The following AHCTF1 variants were observed in gnomAD, a reference collection of about 807,000 sequenced individuals.
The protein encoded by AHCTF1 is AT-hook containing transcription factor 1.
In AHCTF1, 24 loss-of-function variants were observed where a neutral mutation model predicts 248.4. The ratio of observed to expected loss-of-function variants is 0.10; its 90% confidence interval spans 0.07 to 0.14. The LOEUF is 0.14. AHCTF1 is among the 10% of genes least tolerant of loss of function. AHCTF1 has a pLI of 1.00. For missense variants in AHCTF1, 2,206 were observed against 2,636.2 expected (o/e 0.84, Z 3.57); for synonymous variants, 786 against 929.8 (o/e 0.85, Z 2.81).
rs747803449 is a variant in AHCTF1 at position 246,840,967 on chromosome 1, G to A, written c.6640C>T (p.Pro2214Ser). The A allele has an allele frequency of 1.8e-5, 29 of 1,610,750 alleles. No homozygotes were observed. The highest frequency in any genetic ancestry group is 2.4e-5 in the Non-Finnish European group (28 of 1,179,068). Residue 2214 changes from proline to serine, a missense_variant, in exon 36 of 36, where the codon CCT becomes TCT. Pro to Ser is a moderately conservative substitution (Grantham distance 74). Around this residue, in one of 6 missense-constraint regions of AHCTF1, gnomAD observed 469 missense variants for 470.0 expected, o/e 1.00. Coordinates refer to ENST00000648844, the MANE Select transcript of AHCTF1 (RefSeq NM_001323342.2). ...GAAATCAGCCGAATTTCTATGGGAG[G>A]AGGTGACCAAGCACTTTCTTTTTCT... ...NTEKESAWSP[P>S]PIEIRLISPL... is the part of the protein sequence containing the mutation.
chr1:246,868,557 T>A (rs1572390065), intron 24 of AHCTF1, among the ~76,000 whole-genome samples: 1 of 151,424 alleles, frequency 6.6e-6, no homozygotes, highest in Non-Finnish European at 1.5e-5. Flanking sequence ...CTGGCCTACA[T>A]TTTGTTTCAT....
chr1:246,908,226 G>A (rs1558268647), intron 4 of AHCTF1, among the ~76,000 whole-genome samples: 1 of 151,152 alleles, frequency 6.6e-6, no homozygotes, highest in Non-Finnish European at 1.5e-5. Flanking sequence ...AACATGAAGG[G>A]GCTCTCATTA....
chr1:246,854,751 A>C (rs1236417957), intron 31 of AHCTF1, among the ~76,000 whole-genome samples: 1 of 151,160 alleles, frequency 6.6e-6, no homozygotes, highest in Admixed American at 6.6e-5. Flanking sequence ...TTTTACCAAC[A>C]AAAAAAAATA....
intron 31 of AHCTF1, among the ~76,000 whole-genome samples, chr1:246,854,772 C>A (rs1660989413): frequency 6.6e-6 from 1 of 152,022 alleles, no homozygotes; most frequent in Non-Finnish European, 1.5e-5. Context: ...GAGACACAGC[C>A]CTTAAGTGCA....
At chr1:246,863,370 G>C (rs1465349099) in intron 27 of AHCTF1, among the ~76,000 whole-genome samples, 1 of 148,048 alleles carries the variant, frequency 6.8e-6, no homozygotes, top group Non-Finnish European at 1.5e-5. Flanking sequence ...GAGATAGTAT[G>C]TTTAAAAAAA....
At position 246,843,840 on chromosome 1, in the gene AHCTF1, G is replaced by C; in HGVS notation, c.6480C>G (p.Ser2160Arg). ...QFVISPPALR[S>R]RQKNTSNKNK... ...TCTTATTGGATGTGTTTTTTTGTCTGCTCCTTAAAGCAGGAGGTGAGATGA... is the reference window on the plus strand; with the variant it reads ...TCTTATTGGATGTGTTTTTTTGTCTCCTCCTTAAAGCAGGAGGTGAGATGA... Residue 2160 changes from serine to arginine, a missense_variant, in exon 34 of 36, where the codon AGC (serine) becomes AGG (arginine). Ser to Arg is a moderately radical substitution (Grantham distance 110, BLOSUM62 -1). This residue lies in a region of AHCTF1 where 469 missense variants were observed against 470.0 expected (regional missense o/e 1.00). Transcript: ENST00000648844. 6.6e-7 allele frequency: 1 copy of C among 1,504,038 alleles called. No homozygotes were observed. Among genetic ancestry groups the C allele is most frequent in the Non-Finnish European group, 8.9e-7 (1 of 1,126,084 alleles). 93.2% of individuals were successfully genotyped at this position (1,504,038 alleles called of 1,614,324 possible). A position where few individuals can be genotyped will look rare whatever the true frequency, so the allele number is the denominator to read the frequency against.
intron 31 of AHCTF1, among the ~76,000 whole-genome samples, chr1:246,855,281 G>A (rs1262258732): frequency 6.6e-6 from 1 of 151,818 alleles, no homozygotes; most frequent in Admixed American, 6.6e-5. Flanking sequence ...GTATAGCCAG[G>A]GCCTAACTGA....
At chr1:246,924,456 ATAAT>A (rs942326853) in intron 1 of AHCTF1, among the ~76,000 whole-genome samples, 8 of 152,034 alleles carry the variant, frequency 5.3e-5, no homozygotes, top group African/African-American at 1.9e-4. Context: ...TATAAAATCA[ATAAT>A]TAAAGAATTT....
At chr1:246,913,467 T>C (rs1665943993) in intron 3 of AHCTF1, 55 bp from the exon 4 acceptor site, 14 of 1,508,292 alleles carry the variant, frequency 9.3e-6, no homozygotes, top group Non-Finnish European at 1.3e-5. Context: ...AAAATATAAT[T>C]AACACAATAA....
rs1340736286 is a variant in AHCTF1 at position 246,894,691 on chromosome 1, A to G, written c.1772T>C (p.Val591Ala). 6.2e-7 allele frequency: 1 copy of G among 1,613,492 alleles called. No homozygotes were observed. Among genetic ancestry groups the G allele is most frequent in the South Asian group, 1.1e-5 (1 of 91,046 alleles). Reference sequence around the variant, plus strand: ...GTCAAATTCCTCTTTTGTGAGAACCACTTTATTCCACGTCCATTCAAGAAC... The same window carrying G: ...GTCAAATTCCTCTTTTGTGAGAACCGCTTTATTCCACGTCCATTCAAGAAC... ...RFVLEWTWNK[V>A]VLTKEEFDRL... Residue 591 changes from valine (V) to alanine (A), a missense_variant, in exon 14 of 36, where the codon GTG (valine) becomes GCG (alanine). Physicochemically the swap from Val to Ala is moderately conservative, Grantham distance 64. This residue lies in a region of AHCTF1 where 650 missense variants were observed against 870.8 expected (regional missense o/e 0.75). Coordinates refer to ENST00000648844, the MANE Select transcript of AHCTF1 (RefSeq NM_001323342.2).
rs1442754519 is a variant in AHCTF1 at position 246,840,965 on chromosome 1, A to G, written c.6642T>C (p.Pro2214=). 1 of 1,610,778 alleles carries G rather than the reference A, an allele frequency of 6.2e-7. No individual in the cohort carries two copies. Among genetic ancestry groups the G allele is most frequent in the African/African-American group, 1.3e-5 (1 of 74,620 alleles). The change falls in exon 36 of 36, where the codon CCT becomes CCC. Residue 2214 remains proline (P), a synonymous_variant. Transcript: ENST00000648844. ...NTEKESAWSP[P]PIEIRLISPL... is the part of the protein sequence containing the mutation. ...GGGAAATCAGCCGAATTTCTATGGG[A>G]GGAGGTGACCAAGCACTTTCTTTTT...
intron 20 of AHCTF1, among the ~76,000 whole-genome samples, chr1:246,886,975 G>A (rs930724580): frequency 6.6e-5 from 10 of 152,018 alleles, no homozygotes; most frequent in Admixed American, 5.2e-4. Flanking sequence ...CTGAACTATC[G>A]TAATTACTTA....
Position 246,840,938 on chromosome 1 carries a change from G to T in AHCTF1, c.6669C>A (p.Pro2223=). The T allele has an allele frequency of 1.2e-6, 2 of 1,612,208 alleles. No individual in the cohort carries two copies. Among genetic ancestry groups the T allele is most frequent in the African/African-American group, 1.3e-5 (1 of 74,892 alleles). Residue 2223 remains proline (P), a synonymous_variant, in exon 36 of 36, where the codon CCC becomes CCA. Coordinates refer to ENST00000648844, the MANE Select transcript of AHCTF1 (RefSeq NM_001323342.2). ...PPPIEIRLIS[P]LASPADGVKS... is the part of the protein sequence containing the mutation. Reference sequence around the variant, plus strand: ...TGACTCCGTCAGCTGGGCTAGCCAAGGGGGAAATCAGCCGAATTTCTATGG... The same window carrying T: ...TGACTCCGTCAGCTGGGCTAGCCAATGGGGAAATCAGCCGAATTTCTATGG...
Position 246,900,455 on chromosome 1 carries a change from T to C in AHCTF1, c.1132A>G (p.Thr378Ala), listed in dbSNP as rs374217782. The C allele has an allele frequency of 6.3e-6, 10 of 1,588,690 alleles. No individual in the cohort carries two copies. The highest frequency in any genetic ancestry group is 5.9e-5 in the South Asian group (5 of 85,004). Residue 378 changes from threonine (T) to alanine (A), a missense_variant, in exon 9 of 36, where the codon ACT (threonine) becomes GCT (alanine). Physicochemically the swap from Thr to Ala is moderately conservative, Grantham distance 58. This residue lies in a region of AHCTF1 where 650 missense variants were observed against 870.8 expected (regional missense o/e 0.75). Transcript: ENST00000648844. ...TGCCAGGTAAAGACTGAAACACTAGTGTCAGGCGATAGAGCTGGAAGAAAA... is the reference window on the plus strand; with the variant it reads ...TGCCAGGTAAAGACTGAAACACTAGCGTCAGGCGATAGAGCTGGAAGAAAA... ...EGVNEALSPDTSVSVFTWQVN... is the reference protein window; with the variant it reads ...EGVNEALSPDASVSVFTWQVN...
intron 1 of AHCTF1, among the ~76,000 whole-genome samples, chr1:246,929,870 G>A (rs542235757): frequency 6.6e-6 from 1 of 152,300 alleles, no homozygotes; most frequent in Admixed American, 6.5e-5. Flanking sequence ...TGGCCAATAT[G>A]GTGAAACCCC....
At position 246,876,198 on chromosome 1, in the gene AHCTF1, T is replaced by C; in HGVS notation, c.2938-11A>G. On this transcript the variant is annotated splice_polypyrimidine_tract_variant and intron_variant, in intron 23 of 35. Transcript: ENST00000648844. Reference sequence around the variant, plus strand: ...AGGATCACGATCATTCTATTAAACATCAAAATTGGTAAAAAATTTAACCTT... The same window carrying C: ...AGGATCACGATCATTCTATTAAACACCAAAATTGGTAAAAAATTTAACCTT... The C allele has an allele frequency of 6.4e-7, 1 of 1,557,240 alleles. No homozygotes were observed. The highest frequency in any genetic ancestry group is 1.2e-5 in the South Asian group (1 of 83,824).
chr1:246,852,214 T>G (rs1295876914), intron 32 of AHCTF1, among the ~76,000 whole-genome samples: 4 of 152,142 alleles, frequency 2.6e-5, no homozygotes, highest in African/African-American at 9.7e-5. Context: ...ACTTACACCA[T>G]ACCCACAACT....
chr1:246,889,953 T>G lies in AHCTF1; in HGVS notation c.2144+13A>C. The G allele has an allele frequency of 6.3e-7, 1 of 1,593,010 alleles. No individual in the cohort carries two copies. Among genetic ancestry groups the G allele is most frequent in the South Asian group, 1.1e-5 (1 of 88,356 alleles). ...TTCTTACAGATGTAATTTCTAAAATTGTTTTACTATACCTTGATAAACGCT... is the reference window on the plus strand; with the variant it reads ...TTCTTACAGATGTAATTTCTAAAATGGTTTTACTATACCTTGATAAACGCT... On this transcript the variant is annotated intron_variant, in intron 17 of 35. Coordinates refer to ENST00000648844, the MANE Select transcript of AHCTF1 (RefSeq NM_001323342.2).
intron 20 of AHCTF1, among the ~76,000 whole-genome samples, chr1:246,886,562 A>G (rs1663832441): frequency 1.3e-5 from 2 of 152,108 alleles, no homozygotes; most frequent in Admixed American, 6.5e-5. Flanking sequence ...GACAAGAAAA[A>G]TGTCTGTACA....
Sources: gnomAD v4.1 joint callset for allele counts (sites outside exome capture counted in the v4.1 genomes callset) on GRCh38, gnomAD v4.1.1 for gene constraint, gnomAD v4.1.1 regional missense constraint, MANE v1.5 for transcripts, NCBI Gene and HGNC (gene_info 2026-07-23, HGNC 2026-07-21) for gene names.